PTGS1: variants seen among roughly 807,000 people sequenced by gnomAD.
PTGS1 encodes the protein prostaglandin G/H synthase 1.
A neutral mutation model predicts 63.0 loss-of-function variants in PTGS1; 40 were observed. The observed-to-expected ratio is 0.63, with a 90% CI of 0.49 to 0.83. The LOEUF is 0.83. Among genes scored for constraint, PTGS1 ranks in the 40% least tolerant of loss-of-function variants. PTGS1 has a pLI of 0.00. For missense variants in PTGS1, 709 were observed against 786.5 expected (o/e 0.90, Z 1.18); for synonymous variants, 298 against 301.9 (o/e 0.99, Z 0.13).
At chr9:122,383,027 G>A (rs1311512294) in intron 7 of PTGS1, among the ~76,000 whole-genome samples, 1 of 152,112 alleles carries the variant, frequency 6.6e-6, no homozygotes, top group Admixed American at 6.5e-5. Context: ...GTAAAAATGG[G>A]AGCGTTTGCT....
Position 122,392,569 on chromosome 9 carries a change from G to T in PTGS1, c.*25G>T, listed in dbSNP as rs757798888. Reference sequence around the variant, plus strand: ...AGGGGCAGGAAAGCAGCATTCTGGAGGGGAGAGCTTTGTGCTTGTCATTCC... The same window carrying T: ...AGGGGCAGGAAAGCAGCATTCTGGATGGGAGAGCTTTGTGCTTGTCATTCC... On this transcript the variant is annotated 3_prime_UTR_variant, in exon 11 of 11. Transcript: ENST00000362012. 5 of 1,593,800 alleles carry T rather than the reference G, an allele frequency of 3.1e-6. No homozygotes were observed. The highest frequency in any genetic ancestry group is 4.3e-6 in the Non-Finnish European group (5 of 1,166,032).
intron 10 of PTGS1, 90 bp from the exon 11 acceptor site, chr9:122,392,099 G>A: frequency 1.7e-6 from 2 of 1,155,424 alleles, no homozygotes; most frequent in Non-Finnish European, 2.4e-6. Context: ...ATTATCCCCA[G>A]AAAAAGGTGG....
At chr9:122,382,321 CATT>C (rs1402660190) in intron 7 of PTGS1, among the ~76,000 whole-genome samples, 4 of 152,204 alleles carry the variant, frequency 2.6e-5, no homozygotes, top group African/African-American at 9.6e-5. Context: ...GTAATCAATA[CATT>C]ATTAATAAAA....
At position 122,378,430 on chromosome 9, in the gene PTGS1, C is replaced by T. The variant is rs200465319; in HGVS notation, c.212-3C>T. 6.2e-7 allele frequency: 1 copy of T among 1,613,492 alleles called. No individual in the cohort carries two copies. The highest frequency in any genetic ancestry group is 8.5e-7 in the Non-Finnish European group (1 of 1,180,040). On this transcript the variant is annotated splice_polypyrimidine_tract_variant and splice_region_variant and intron_variant, in intron 3 of 10. Transcript: ENST00000362012. ...AACTGAGTGACTGCCATTGCCCCTGCAGCTGGCCTGTGGACCTGGCTCCGG... is the reference window on the plus strand; with the variant it reads ...AACTGAGTGACTGCCATTGCCCCTGTAGCTGGCCTGTGGACCTGGCTCCGG...
intron 10 of PTGS1, among the ~76,000 whole-genome samples, chr9:122,391,359 A>G (rs1347846965): frequency 4.1e-4 from 21 of 51,260 alleles, no homozygotes; most frequent in African/African-American, 2.1e-3. Context: ...ATATATATAC[A>G]TATATATATA....
At chr9:122,374,328 G>A (rs534042044) in intron 2 of PTGS1, among the ~76,000 whole-genome samples, 4 of 152,292 alleles carry the variant, frequency 2.6e-5, no homozygotes, top group African/African-American at 9.6e-5. Flanking sequence ...AGAGGGCCTG[G>A]ACGTCGAAAG....
At position 122,395,144 on chromosome 9, in the gene PTGS1, G is replaced by C. The variant is rs200045743; in HGVS notation, c.*2600G>C. 38 of 152,394 alleles carry C rather than the reference G, an allele frequency of 2.5e-4. No homozygotes were observed. The highest frequency in any genetic ancestry group is 8.9e-4 in the African/African-American group (37 of 41,578). 9.4% of individuals were successfully genotyped at this position (152,394 alleles called of 1,614,324 possible). Reference sequence around the variant, plus strand: ...GCTGGGGCTAGGGGAAGGGCTTTGAGGGTGGAAGGATGGGATGGGTTCCAG... The same window carrying C: ...GCTGGGGCTAGGGGAAGGGCTTTGACGGTGGAAGGATGGGATGGGTTCCAG... On this transcript the variant is annotated 3_prime_UTR_variant, in exon 11 of 11. Transcript: ENST00000362012.
chr9:122,377,802 A>T, intron 2 of PTGS1, 97 bp from the exon 3 acceptor site: 1 of 1,103,486 alleles, frequency 9.1e-7, no homozygotes, highest in Non-Finnish European at 1.4e-6. Context: ...CTGCGACTTA[A>T]GTCCATGCCT....
chr9:122,378,198 A>G (rs1837291732), intron 3 of PTGS1, among the ~76,000 whole-genome samples, 183 bp downstream of exon 3: 1 of 148,892 alleles, frequency 6.7e-6, no homozygotes. Context: ...GTCCACCCTC[A>G]CTCCCTGCTT....
chr9:122,389,848 C>T (rs1332949618), intron 9 of PTGS1, among the ~76,000 whole-genome samples: 1 of 152,020 alleles, frequency 6.6e-6, no homozygotes, highest in African/African-American at 2.4e-5. Flanking sequence ...GTAGTCCTAG[C>T]TACTTGAGAA....
In PTGS1 at chr9:122,381,428, A is replaced by G; in HGVS notation, c.554A>G (p.Lys185Arg). ...GCCCGCCGCTTCCTGCTCAGGAGGAAGTTCATACCTGACCCCCAAGGCACC... is the reference window on the plus strand; with the variant it reads ...GCCCGCCGCTTCCTGCTCAGGAGGAGGTTCATACCTGACCCCCAAGGCACC... ...LLARRFLLRR[K>R]FIPDPQGTNL... is the part of the protein sequence containing the mutation. Residue 185 changes from lysine to arginine, a missense_variant, in exon 6 of 11, where the codon AAG becomes AGG. By Grantham distance (26) the Lys-to-Arg change is conservative (BLOSUM62 2). Transcript: ENST00000362012. 6.2e-7 allele frequency: 1 copy of G among 1,614,142 alleles called. No homozygotes were observed. The highest frequency in any genetic ancestry group is 8.5e-7 in the Non-Finnish European group (1 of 1,180,016).
intron 10 of PTGS1, 129 bp from the exon 11 acceptor site, chr9:122,392,060 G>A: frequency 1.3e-6 from 1 of 744,926 alleles, no homozygotes; most frequent in South Asian, 2.3e-5. Flanking sequence ...CACATGCTCA[G>A]TTGCTCAAGT....
chr9:122,371,710 T>G, intron 2 of PTGS1: 1 of 1,499,562 alleles, frequency 6.7e-7, no homozygotes, highest in African/African-American at 1.4e-5. Flanking sequence ...CCATTGCCAG[T>G]GGAGAAGGTC....
intron 10 of PTGS1, 151 bp downstream of exon 10, chr9:122,390,496 A>G (rs1838155681): frequency 1.0e-6 from 1 of 952,874 alleles, no homozygotes; most frequent in Non-Finnish European, 1.5e-6. Flanking sequence ...CCAGGGTGGT[A>G]AATAAGCCTG....
chr9:122,391,404 T>C (rs1324695242), intron 10 of PTGS1, among the ~76,000 whole-genome samples: 4 of 55,804 alleles, frequency 7.2e-5, no homozygotes, highest in South Asian at 6.2e-4. Context: ...TATACATATA[T>C]ATATACATAT....
At chr9:122,388,321 T>C (rs1838004906) in intron 9 of PTGS1, among the ~76,000 whole-genome samples, 2 of 152,268 alleles carry the variant, frequency 1.3e-5, no homozygotes, top group South Asian at 4.1e-4. Flanking sequence ...GCTGGGATTA[T>C]AGGCGACTCT....
chr9:122,379,833 C>T (rs949226903), intron 5 of PTGS1, among the ~76,000 whole-genome samples: 11 of 152,254 alleles, frequency 7.2e-5, no homozygotes, highest in African/African-American at 2.2e-4. Context: ...CCAGAGGAAC[C>T]CAGTCAGCCA....
chr9:122,377,206 C>T (rs1837219008), intron 2 of PTGS1, among the ~76,000 whole-genome samples: 1 of 152,164 alleles, frequency 6.6e-6, no homozygotes, highest in Non-Finnish European at 1.5e-5. Flanking sequence ...AACTTCTTTC[C>T]TTAGACTTGG....
At position 122,392,985 on chromosome 9, in the gene PTGS1, G is replaced by A. The variant is rs10306185; in HGVS notation, c.*441G>A. ...GGCTGATGATCCAGAACAGTGGCTC[G>A]TATCCCAAATCTGTCAGCATCTGGC... is the stretch of plus-strand genomic sequence containing the variant. On this transcript the variant is annotated 3_prime_UTR_variant, in exon 11 of 11. Coordinates refer to ENST00000362012, the MANE Select transcript of PTGS1 (RefSeq NM_000962.4). 5.1e-3 allele frequency: 818 copies of A among 160,292 alleles called. 5 individuals are homozygous for A. The highest frequency in any genetic ancestry group is 0.018 in the African/African-American group (764 of 41,712). 9.9% of individuals were successfully genotyped at this position (160,292 alleles called of 1,614,324 possible).
Sources: allele counts gnomAD v4.1 joint callset (sites outside exome capture counted in the v4.1 genomes callset), GRCh38; gene constraint gnomAD v4.1.1; transcripts MANE v1.5; gene names NCBI Gene and HGNC (gene_info 2026-07-23, HGNC 2026-07-21).